PRKG1: variants seen among roughly 807,000 people sequenced by gnomAD.
PRKG1 encodes the protein protein kinase cGMP-dependent 1.
Under a neutral mutation model 88.1 loss-of-function variants are expected in PRKG1, and 35 were observed. That is an observed-to-expected ratio of 0.40 (90% CI 0.30 to 0.53). PRKG1 has a LOEUF of 0.53. Among genes scored for constraint, PRKG1 ranks in the 20% least tolerant of loss-of-function variants. PRKG1 has a pLI of 0.59. For synonymous variants in PRKG1, 303 were observed against 292.5 expected (o/e 1.04, Z -0.37); for missense variants, 540 against 839.8 (o/e 0.64, Z 4.41).
At chr10:51,046,812 G>T (rs958443973) in intron 1 of PRKG1, among the ~76,000 whole-genome samples, 1 of 152,188 alleles carries the variant, frequency 6.6e-6, no homozygotes, top group Non-Finnish European at 1.5e-5. Flanking sequence ...AAGATTTGGA[G>T]AATATTAAGT....
chr10:51,220,757 G>A (rs1838507561), intron 2 of PRKG1, among the ~76,000 whole-genome samples: 2 of 152,250 alleles, frequency 1.3e-5, no homozygotes, highest in African/African-American at 4.8e-5. Context: ...TTTTGGAGAT[G>A]TGGGAATAAT....
intron 2 of PRKG1, among the ~76,000 whole-genome samples, chr10:51,201,353 G>C (rs925810093): frequency 2.0e-5 from 3 of 152,102 alleles, no homozygotes; most frequent in African/African-American, 7.2e-5. Context: ...TCAGGGGGCC[G>C]AGGCAGGAGA....
intron 5 of PRKG1, among the ~76,000 whole-genome samples, chr10:51,944,412 G>C (rs1842978884): frequency 6.6e-6 from 1 of 151,938 alleles, no homozygotes; most frequent in Non-Finnish European, 1.5e-5. Context: ...CCAGCTCCTG[G>C]ATTCATTAAT....
chr10:51,660,856 A>G (rs1840281208), intron 3 of PRKG1, among the ~76,000 whole-genome samples: 1 of 152,104 alleles, frequency 6.6e-6, no homozygotes, highest in Non-Finnish European at 1.5e-5. Flanking sequence ...TGCAAAGCTT[A>G]ATTTAATCAT....
chr10:51,083,138 C>T (rs548026236), intron 1 of PRKG1, among the ~76,000 whole-genome samples: 1 of 152,300 alleles, frequency 6.6e-6, no homozygotes, highest in South Asian at 2.1e-4. Flanking sequence ...GCTCCCCAAT[C>T]TCCCTAGCAT....
At chr10:51,863,668 T>C (rs1840942932) in intron 4 of PRKG1, among the ~76,000 whole-genome samples, 1 of 152,174 alleles carries the variant, frequency 6.6e-6, no homozygotes, top group Admixed American at 6.5e-5. Flanking sequence ...TTCTTTGCCC[T>C]TCCACCATGA....
At chr10:51,803,853 C>T (rs900047678) in intron 3 of PRKG1, among the ~76,000 whole-genome samples, 1 of 152,094 alleles carries the variant, frequency 6.6e-6, no homozygotes, top group African/African-American at 2.4e-5. Context: ...TTAATGTGCT[C>T]ATTTTAAAAG....
intron 1 of PRKG1, among the ~76,000 whole-genome samples, chr10:51,030,376 A>G (rs909852733): frequency 6.6e-6 from 1 of 152,214 alleles, no homozygotes; most frequent in Non-Finnish European, 1.5e-5. Flanking sequence ...CACATAAATT[A>G]TAATGAATTA....
At chr10:52,075,797 C>T (rs902951368) in intron 7 of PRKG1, among the ~76,000 whole-genome samples, 7 of 152,100 alleles carry the variant, frequency 4.6e-5, no homozygotes, top group East Asian at 1.9e-4. Context: ...CTCTCATAGC[C>T]GTTCCTCAGT....
intron 3 of PRKG1, among the ~76,000 whole-genome samples, chr10:51,555,088 G>A (rs1223173049): frequency 6.6e-6 from 1 of 151,882 alleles, no homozygotes; most frequent in Non-Finnish European, 1.5e-5. Context: ...TTTTTCACTT[G>A]TTTTTCTGAA....
rs558025322 is a variant in PRKG1 at position 51,658,752 on chromosome 10, T to C, written c.593-145833T>C. ...GCGGTTCTTTTAACTTCTGGCGGTT[T>C]TCACTTTTATTTTTTTTCTTCTACG... is the stretch of plus-strand genomic sequence containing the variant. On this transcript the variant is annotated intron_variant, in intron 3 of 17. Coordinates refer to ENST00000373980, the MANE Select transcript of PRKG1 (RefSeq NM_006258.4). Among the ~76,000 whole-genome samples the C allele has an allele frequency of 1.1e-4, 17 of 152,258 alleles. No individual in the cohort carries two copies. The East Asian group carries it at 2.1e-3, about 19-fold the overall frequency.
intron 3 of PRKG1, among the ~76,000 whole-genome samples, chr10:51,716,599 T>C (rs1841893083): frequency 6.6e-6 from 1 of 152,214 alleles, no homozygotes; most frequent in African/African-American, 2.4e-5. Flanking sequence ...GGGCTTAAGA[T>C]TGAATTAAAA....
chr10:51,088,808 AT>A (rs200475991), intron 1 of PRKG1, among the ~76,000 whole-genome samples: 15,831 of 136,898 alleles, frequency 0.12, 999 homozygotes, highest in South Asian at 0.32. Flanking sequence ...ATTTAATATG[AT>A]TTTTTTTTTT....
At chr10:51,047,175 G>A (rs1843500725) in intron 1 of PRKG1, among the ~76,000 whole-genome samples, 1 of 152,096 alleles carries the variant, frequency 6.6e-6, no homozygotes, top group Admixed American at 6.6e-5. Flanking sequence ...GAGCCTCAAG[G>A]TCTGTAGTCT....
chr10:51,992,847 T>C (rs1844347627), intron 5 of PRKG1, among the ~76,000 whole-genome samples: 1 of 152,204 alleles, frequency 6.6e-6, no homozygotes. Flanking sequence ...TATTTTCATA[T>C]CCAGTGTCAG....
chr10:52,278,461 G>GTA (rs1256455575), intron 12 of PRKG1, among the ~76,000 whole-genome samples: 3 of 152,054 alleles, frequency 2.0e-5, no homozygotes, highest in Non-Finnish European at 4.4e-5. Context: ...CCATTACTGG[G>GTA]TATATACCCA....
At chr10:51,501,657 G>T (rs1841026652) in intron 3 of PRKG1, among the ~76,000 whole-genome samples, 1 of 151,958 alleles carries the variant, frequency 6.6e-6, no homozygotes, top group Non-Finnish European at 1.5e-5. Flanking sequence ...CATAGTATTT[G>T]TTATTTGGCA....
intron 12 of PRKG1, among the ~76,000 whole-genome samples, chr10:52,276,588 AACC>A (rs1349634745): frequency 6.6e-6 from 1 of 152,154 alleles, no homozygotes; most frequent in Admixed American, 6.6e-5. Context: ...AGCTTAAAAC[AACC>A]ACCCATCCCC....
intron 3 of PRKG1, among the ~76,000 whole-genome samples, chr10:51,574,872 G>A (rs1837845141): frequency 6.6e-6 from 1 of 151,950 alleles, no homozygotes; most frequent in African/African-American, 2.4e-5. Context: ...GCCTATGTGT[G>A]TCTATATTTG....
Sources: allele counts gnomAD v4.1 joint callset (sites outside exome capture counted in the v4.1 genomes callset), GRCh38; gene constraint gnomAD v4.1.1; transcripts MANE v1.5; gene names NCBI Gene and HGNC (gene_info 2026-07-23, HGNC 2026-07-21).